The following ST6GALNAC6 variants were observed in gnomAD, a reference collection of about 807,000 sequenced individuals.
ST6GALNAC6 encodes ST6 N-acetylgalactosaminide alpha-2,6-sialyltransferase 6, also known as alpha-N-acetylgalactosaminide alpha-2,6-sialyltransferase 6.
In ST6GALNAC6, 19 loss-of-function variants were observed where a neutral mutation model predicts 34.3. That is an observed-to-expected ratio of 0.55 (90% confidence interval 0.39 to 0.81). The LOEUF is 0.81. ST6GALNAC6 is among the 40% of genes least tolerant of loss of function. The pLI is 0.00. For synonymous variants in ST6GALNAC6, 185 were observed against 182.1 expected, an observed-to-expected ratio of 1.02 and a Z score of -0.13; for missense variants, 377 against 467.7, an observed-to-expected ratio of 0.81 and a Z score of 1.79.
At chr9:127,896,838 A>AT (rs759343444) in intron 2 of ST6GALNAC6, 274 of 984,406 alleles carry the variant, frequency 2.8e-4, no homozygotes, top group African/African-American at 2.6e-3. Context: ...ACGTCCTCCC[A>AT]TCCCCCCAGG....
upstream of ST6GALNAC6, among the ~76,000 whole-genome samples, chr9:127,901,001 A>AAAAAAAAAAAAAAC (rs1830738075): frequency 6.7e-6 from 1 of 149,618 alleles, no homozygotes; most frequent in African/African-American, 2.5e-5. Context: ...CAAAAAAAAA[A>AAAAAAAAAAAAAAC]AAAAAAAAAA....
chr9:127,890,385 C>T lies in ST6GALNAC6; in HGVS notation c.704+252G>A, dbSNP rs1830062449. Among the ~76,000 whole-genome samples the T allele has an allele frequency of 6.6e-6, 1 of 152,152 alleles. No homozygotes were observed. Reference sequence around the variant, plus strand: ...CAGAGCAGAGCATGCTGGGTGGGAGCCCTTGTGCCCTCACAGCAAGGTATG... The same window carrying T: ...CAGAGCAGAGCATGCTGGGTGGGAGTCCTTGTGCCCTCACAGCAAGGTATG... On this transcript the variant is annotated intron_variant, in intron 5 of 6. Transcript: ENST00000373146. This position sits in a 1 kb window ranked among gnomAD's most constrained non-coding sequence, Gnocchi z 4.3.
upstream of ST6GALNAC6, among the ~76,000 whole-genome samples, chr9:127,901,148 C>A (rs1269988915): frequency 6.6e-6 from 1 of 152,044 alleles, no homozygotes; most frequent in Non-Finnish European, 1.5e-5. Context: ...CCCAAATATC[C>A]ATCAACAAGA....
intron 1 of ST6GALNAC6, among the ~76,000 whole-genome samples, chr9:127,898,726 G>A (rs1221011127): frequency 6.6e-6 from 1 of 152,278 alleles, no homozygotes; most frequent in African/African-American, 2.4e-5. Flanking sequence ...CGGCTCCAGA[G>A]CCTTGTTTAC....
chr9:127,888,569 G>A (rs1829932496), intron 5 of ST6GALNAC6, among the ~76,000 whole-genome samples: 1 of 151,526 alleles, frequency 6.6e-6, no homozygotes, highest in Non-Finnish European at 1.5e-5. Context: ...AGCACTTTGG[G>A]AGGCCAAGGC....
chr9:127,899,621 C>T, upstream of ST6GALNAC6: 4 of 982,686 alleles, frequency 4.1e-6, no homozygotes, highest in Non-Finnish European at 4.8e-6. Flanking sequence ...CCGCGGCCCG[C>T]CGGGTCCTAG....
chr9:127,900,455 G>C (rs1379462974), upstream of ST6GALNAC6, among the ~76,000 whole-genome samples: 1 of 151,052 alleles, frequency 6.6e-6, no homozygotes, highest in African/African-American at 2.4e-5. Flanking sequence ...AGCTACTCGG[G>C]AGGCTGAGGC....
rs773511672 is a variant in ST6GALNAC6, at chr9:127,886,687, T to C, written c.914A>G (p.Asn305Ser). 3.7e-6 allele frequency: 6 copies of C among 1,613,948 alleles called. No homozygotes were observed. The highest frequency in any genetic ancestry group is 3.4e-6 in the Non-Finnish European group (4 of 1,180,008). ...TTTCTCGGTGATGAAGCGGTGGTGG[T>C]TGCCCTTGCGACTGTGCTCATTCTG... Reference protein sequence around the residue: ...YIQNEHSRKGNHHRFITEKRV... With the variant: ...YIQNEHSRKGSHHRFITEKRV... The change falls in exon 7 of 7, where the codon AAC (asparagine) becomes AGC (serine). Residue 305 changes from asparagine (N) to serine (S), a missense_variant. By Grantham distance (46) the Asn-to-Ser change is conservative (BLOSUM62 1). Coordinates refer to ENST00000373146, the MANE Select transcript of ST6GALNAC6 (RefSeq NM_013443.5).
chr9:127,896,838 AT>A (rs1246449042), intron 2 of ST6GALNAC6: 1 of 984,286 alleles, frequency 1.0e-6, no homozygotes. Flanking sequence ...ACGTCCTCCC[AT>A]CCCCCCAGGC....
intron 1 of ST6GALNAC6, 25 bp downstream of exon 1, chr9:127,899,478 C>T (rs1426579620): frequency 1.0e-6 from 1 of 968,318 alleles, no homozygotes; most frequent in Non-Finnish European, 1.2e-6. Context: ...CCCCCGCGGC[C>T]TGCTCCCGCG....
intron 4 of ST6GALNAC6, among the ~76,000 whole-genome samples, chr9:127,891,490 G>A (rs2131507937): frequency 6.6e-6 from 1 of 151,552 alleles, no homozygotes; most frequent in East Asian, 2.0e-4. Flanking sequence ...GGTGGCGCGT[G>A]CCTGTAATCA....
chr9:127,903,905 G>A (rs568136296), upstream of ST6GALNAC6: 2 of 152,220 alleles, frequency 1.3e-5, no homozygotes, highest in Non-Finnish European at 2.9e-5. Flanking sequence ...ACCCAGAAGT[G>A]AGAGGGTGCT....
chr9:127,899,454 CG>C, intron 1 of ST6GALNAC6, 48 bp downstream of exon 1: 4 of 852,470 alleles, frequency 4.7e-6, no homozygotes, highest in Non-Finnish European at 5.6e-6. Context: ...CCCCAGCCCC[CG>C]CCTCCGCCCC....
intron 1 of ST6GALNAC6, among the ~76,000 whole-genome samples, chr9:127,899,027 T>C (rs1332104522): frequency 1.3e-5 from 2 of 152,176 alleles, no homozygotes; most frequent in Non-Finnish European, 2.9e-5. Context: ...GCTTTCCTTC[T>C]TCCAGCCCCG....
upstream of ST6GALNAC6, chr9:127,906,147 G>C: frequency 2.2e-6 from 1 of 445,886 alleles, no homozygotes; most frequent in Non-Finnish European, 3.0e-6. Context: ...AGCCAAGGGC[G>C]GGAGGGAGAG....
In ST6GALNAC6 at chr9:127,897,520, T is replaced by G. The variant is rs533009832; in HGVS notation, c.26+436A>C. On this transcript the variant is annotated intron_variant, in intron 2 of 6. Transcript: ENST00000373146. ...CCCCTCCCCGTGGGAGCGCCCCTCATCCGGAGCTCGGCTTCGGGTTTCTCC... is the reference window on the plus strand; with the variant it reads ...CCCCTCCCCGTGGGAGCGCCCCTCAGCCGGAGCTCGGCTTCGGGTTTCTCC... The G allele has an allele frequency of 4.5e-4, 362 of 812,226 alleles. 2 individuals are homozygous for G. The African/African-American group carries it at 6.4e-3, about 14-fold the overall frequency. 50.3% of individuals were successfully genotyped at this position (812,226 alleles called of 1,614,324 possible). A position where few individuals can be genotyped will look rare whatever the true frequency, so the allele number is the denominator to read the frequency against.
At chr9:127,891,488 G>A (rs989502232) in intron 4 of ST6GALNAC6, among the ~76,000 whole-genome samples, 8 of 151,226 alleles carry the variant, frequency 5.3e-5, no homozygotes, top group Admixed American at 1.3e-4. Context: ...GTGGTGGCGC[G>A]TGCCTGTAAT....
At chr9:127,905,492 G>A (rs1830894399), upstream of ST6GALNAC6, 4 of 960,160 alleles carry the variant, frequency 4.2e-6, no homozygotes, top group South Asian at 4.8e-5. Flanking sequence ...CCAGGGGATA[G>A]AGAAGGAAGA....
intron 5 of ST6GALNAC6, 30 bp from the exon 6 acceptor site, chr9:127,887,621 C>A: frequency 6.4e-7 from 1 of 1,563,450 alleles, no homozygotes; most frequent in Non-Finnish European, 8.8e-7. Context: ...ACGATGAGGG[C>A]ACATGCAGGG....
Sources: gnomAD v4.1 joint callset for allele counts (sites outside exome capture counted in the v4.1 genomes callset) on GRCh38, gnomAD v4.1.1 for gene constraint, Gnocchi (gnomAD v3.1) non-coding constraint, MANE v1.5 for transcripts, NCBI Gene and HGNC (gene_info 2026-07-23, HGNC 2026-07-21) for gene names.